The following OLA1 variants were observed in gnomAD, a reference collection of about 807,000 sequenced individuals.
OLA1 encodes obg-like ATPase 1.
In OLA1, 14 loss-of-function variants were observed where a neutral mutation model predicts 48.4. The ratio of observed to expected loss-of-function variants is 0.29; its 90% CI spans 0.19 to 0.45. OLA1 has a LOEUF of 0.45. Ranked by LOEUF, OLA1 falls within the 20% of genes least tolerant of loss-of-function variation. The probability of loss-of-function intolerance (pLI) is 1.00; values close to 1 mark genes in which losing one functional copy is unlikely to be tolerated. For missense variants in OLA1, 325 were observed against 467.1 expected (o/e 0.70, Z 2.80); for synonymous variants, 127 against 150.4 (o/e 0.84, Z 1.14).
At chr2:174,076,357 C>A (rs1245623007) in intron 10 of OLA1, among the ~76,000 whole-genome samples, 1 of 152,148 alleles carries the variant, frequency 6.6e-6, no homozygotes, top group Non-Finnish European at 1.5e-5. Context: ...CTGCACACAG[C>A]TGACATGGTC....
chr2:174,114,336 C>T (rs1685728029), intron 7 of OLA1, among the ~76,000 whole-genome samples: 2 of 81,966 alleles, frequency 2.4e-5, no homozygotes, highest in African/African-American at 5.4e-5. Flanking sequence ...AGCAAGACTC[C>T]GCCTCAAAAA....
intron 7 of OLA1, among the ~76,000 whole-genome samples, chr2:174,121,795 T>A (rs1685921044): frequency 6.6e-6 from 1 of 152,148 alleles, no homozygotes; most frequent in Non-Finnish European, 1.5e-5. Flanking sequence ...GAAATGGTAT[T>A]TACTATACAA....
At chr2:174,174,249 A>G (rs547003188) in intron 4 of OLA1, among the ~76,000 whole-genome samples, 1 of 151,572 alleles carries the variant, frequency 6.6e-6, no homozygotes, top group African/African-American at 2.4e-5. Flanking sequence ...CAGAAACAAT[A>G]ATCCCTCATT....
intron 5 of OLA1, among the ~76,000 whole-genome samples, chr2:174,135,926 T>C (rs1686301361): frequency 6.6e-6 from 1 of 152,254 alleles, no homozygotes; most frequent in South Asian, 2.1e-4. Flanking sequence ...TCACACAAAT[T>C]TTTGTTTCCT....
chr2:174,092,127 CA>C (rs10542498), intron 7 of OLA1, among the ~76,000 whole-genome samples: 17,647 of 84,490 alleles, frequency 0.21, 1,054 homozygotes, highest in East Asian at 0.24. Context: ...AACTCCATCT[CA>C]AAAAAAAAAA....
At chr2:174,154,845 A>G (rs1460805421) in intron 4 of OLA1, among the ~76,000 whole-genome samples, 1 of 152,186 alleles carries the variant, frequency 6.6e-6, no homozygotes, top group Non-Finnish European at 1.5e-5. Flanking sequence ...TCAGAGCTTA[A>G]ATTTTTCTAA....
At chr2:174,216,719 T>C (rs1273089716) in intron 4 of OLA1, among the ~76,000 whole-genome samples, 1 of 151,840 alleles carries the variant, frequency 6.6e-6, no homozygotes, top group Non-Finnish European at 1.5e-5. Context: ...TGCTGGCTAA[T>C]GTTATCTTTT....
intron 7 of OLA1, among the ~76,000 whole-genome samples, chr2:174,097,810 A>T (rs1685293232): frequency 6.6e-6 from 1 of 152,040 alleles, no homozygotes; most frequent in Admixed American, 6.5e-5. Flanking sequence ...TTGCACAGAC[A>T]TCCCTTCCCA....
chr2:174,114,734 A>G (rs1451430935), intron 7 of OLA1, among the ~76,000 whole-genome samples: 1 of 152,232 alleles, frequency 6.6e-6, no homozygotes, highest in Non-Finnish European at 1.5e-5. Context: ...CTGAAAAGGC[A>G]CTGCTAAATC....
rs1684698424 is a variant in OLA1 at position 174,075,126 on chromosome 2, C to A, written c.*300G>T. On this transcript the variant is annotated 3_prime_UTR_variant, in exon 11 of 11. Coordinates refer to ENST00000284719, the MANE Select transcript of OLA1 (RefSeq NM_013341.5). ...TCACTGTCAAATGTGTCAGGCTTGG[C>A]ATACATGATGGAGATTAATGAAGTA... 4 of 275,484 alleles carry A rather than the reference C, an allele frequency of 1.5e-5. No homozygotes were observed. Among genetic ancestry groups the A allele is most frequent in the South Asian group, 1.4e-4 (3 of 22,154 alleles). The allele number at this position is 275,484 out of a possible 1,614,324, so 17.1% of individuals were successfully genotyped here. A position where few individuals can be genotyped will look rare whatever the true frequency, so the allele number is the denominator to read the frequency against.
intron 5 of OLA1, among the ~76,000 whole-genome samples, chr2:174,128,539 G>A (rs1574496616): frequency 1.3e-5 from 2 of 151,752 alleles, no homozygotes; most frequent in East Asian, 3.9e-4. Flanking sequence ...AGAACAGCTT[G>A]GCCAACATAG....
intron 2 of OLA1, among the ~76,000 whole-genome samples, chr2:174,238,613 A>G (rs28820403): frequency 0.15 from 22,851 of 152,062 alleles, 1,827 homozygotes; most frequent in East Asian, 0.23. Flanking sequence ...CACATACACC[A>G]CCTGTGCGCA....
At chr2:174,130,097 G>A (rs1007228691) in intron 5 of OLA1, among the ~76,000 whole-genome samples, 2 of 151,774 alleles carry the variant, frequency 1.3e-5, no homozygotes, top group Non-Finnish European at 2.9e-5. Flanking sequence ...ACCCGAAATT[G>A]AAGAAAAAAA....
At chr2:174,228,133 A>G (rs1399452465) in intron 3 of OLA1, among the ~76,000 whole-genome samples, 2 of 152,196 alleles carry the variant, frequency 1.3e-5, no homozygotes, top group Admixed American at 6.5e-5. Flanking sequence ...TCAGACCTCC[A>G]AGTGTCAATA....
At chr2:174,106,413 G>A (rs1477894307) in intron 7 of OLA1, among the ~76,000 whole-genome samples, 3 of 151,924 alleles carry the variant, frequency 2.0e-5, no homozygotes, top group African/African-American at 7.3e-5. Context: ...TCCAAAACCC[G>A]ATCATTCTTT....
At chr2:174,086,206 A>C (rs1441098861) in intron 7 of OLA1, among the ~76,000 whole-genome samples, 3 of 152,118 alleles carry the variant, frequency 2.0e-5, no homozygotes, top group Non-Finnish European at 4.4e-5. Context: ...TCAGTTTCTA[A>C]TTTCCTGAGA....
chr2:174,189,855 A>G (rs1319526013), intron 4 of OLA1, among the ~76,000 whole-genome samples: 1 of 130,528 alleles, frequency 7.7e-6, no homozygotes, highest in East Asian at 3.3e-4. Flanking sequence ...ATTATAATAT[A>G]ATCAGAGCAA....
intron 4 of OLA1, among the ~76,000 whole-genome samples, chr2:174,183,331 C>T (rs1687588760): frequency 1.3e-5 from 2 of 152,126 alleles, no homozygotes; most frequent in Non-Finnish European, 2.9e-5. Context: ...CAATGATGAG[C>T]CAAACTAAGA....
chr2:174,150,590 T>C (rs1356009393), intron 4 of OLA1, among the ~76,000 whole-genome samples: 3 of 152,204 alleles, frequency 2.0e-5, no homozygotes, highest in Non-Finnish European at 4.4e-5. Flanking sequence ...CACTATACAA[T>C]ACAGAGACAC....
Sources: allele counts gnomAD v4.1 joint callset (sites outside exome capture counted in the v4.1 genomes callset), GRCh38; gene constraint gnomAD v4.1.1; transcripts MANE v1.5; gene names NCBI Gene and HGNC (gene_info 2026-07-23, HGNC 2026-07-21).